Variants in ONECUT2 observed in about 807,000 individuals in gnomAD.
The protein encoded by ONECUT2 is one cut homeobox 2.
A neutral mutation model predicts 27.9 loss-of-function variants in ONECUT2; 10 were observed. That is an observed-to-expected ratio of 0.36 (90% CI 0.22 to 0.61). ONECUT2 has a LOEUF of 0.61. Ranked by LOEUF, ONECUT2 falls within the 20% of genes least tolerant of loss-of-function variation. ONECUT2 has a pLI of 0.73. For synonymous variants in ONECUT2, 334 were observed against 315.1 expected (o/e 1.06, Z -0.64); for missense variants, 686 against 721.0 (o/e 0.95, Z 0.56).
intron 1 of ONECUT2, among the ~76,000 whole-genome samples, chr18:57,467,838 C>T (rs1184757999): frequency 1.3e-5 from 2 of 152,196 alleles, no homozygotes; most frequent in Admixed American, 1.3e-4. Flanking sequence ...ACTTTGCCCC[C>T]ACCCTCCAGC....
intron 1 of ONECUT2, among the ~76,000 whole-genome samples, chr18:57,462,723 C>CTTTTTTTTTTTTTTTTT (rs57032206): frequency 5.8e-4 from 40 of 68,994 alleles, no homozygotes; most frequent in East Asian, 8.6e-4. Flanking sequence ...TATTTTCTTT[C>CTTTTTTTTTTTTTTTTT]TTTTTTTTTT....
chr18:57,446,935 T>A (rs1464873237), intron 1 of ONECUT2, among the ~76,000 whole-genome samples: 2 of 152,214 alleles, frequency 1.3e-5, no homozygotes, highest in Non-Finnish European at 2.9e-5. Flanking sequence ...CAGTGAGGGC[T>A]GTGCCAACTG....
chr18:57,451,603 C>A (rs890908832), intron 1 of ONECUT2, among the ~76,000 whole-genome samples: 1 of 152,246 alleles, frequency 6.6e-6, no homozygotes, highest in Non-Finnish European at 1.5e-5. Flanking sequence ...GCTAGCCCCA[C>A]TCCTCCCTAA....
At position 57,484,980 on chromosome 18, in the gene ONECUT2, C is replaced by G. The variant is rs962264971; in HGVS notation, c.*8257C>G. On this transcript the variant is annotated 3_prime_UTR_variant, in exon 2 of 2. Transcript: ENST00000491143. ...TTTCAGTGTCCCATTAGTACATAGT[C>G]ACATATGGTCGGTTGCTTCGTGAAG... The G allele has an allele frequency of 1.3e-5, 2 of 151,864 alleles. No individual in the cohort carries two copies. The highest frequency in any genetic ancestry group is 4.8e-5 in the African/African-American group (2 of 41,428). 9.4% of individuals were successfully genotyped at this position (151,864 alleles called of 1,614,324 possible).
intron 1 of ONECUT2, among the ~76,000 whole-genome samples, chr18:57,445,577 G>C (rs485401): frequency 0.62 from 94,891 of 151,936 alleles, 33,208 homozygotes; most frequent in Non-Finnish European, 0.79. Flanking sequence ...TTTGTTTTAT[G>C]TGATTGAAAA....
chr18:57,464,554 A>C (rs1278198424), intron 1 of ONECUT2, among the ~76,000 whole-genome samples: 1 of 152,098 alleles, frequency 6.6e-6, no homozygotes, highest in African/African-American at 2.4e-5. Flanking sequence ...TGGACTTCCA[A>C]ATCTGGTGGT....
At chr18:57,448,904 TC>T (rs2050215444) in intron 1 of ONECUT2, among the ~76,000 whole-genome samples, 1 of 152,224 alleles carries the variant, frequency 6.6e-6, no homozygotes, top group African/African-American at 2.4e-5. Flanking sequence ...GTGCCATAGA[TC>T]CCCAAACCTA....
At chr18:57,469,330 C>T (rs1450745803) in intron 1 of ONECUT2, among the ~76,000 whole-genome samples, 1 of 152,060 alleles carries the variant, frequency 6.6e-6, no homozygotes, top group Non-Finnish European at 1.5e-5. Flanking sequence ...CAAATGCACA[C>T]CCTGGATGGT....
intron 1 of ONECUT2, among the ~76,000 whole-genome samples, chr18:57,460,485 A>C (rs549380828): frequency 3.9e-5 from 6 of 152,196 alleles, no homozygotes; most frequent in Admixed American, 1.3e-4. Flanking sequence ...TCAACGTCAT[A>C]CTATTTAAAT....
At chr18:57,451,801 C>T (rs79654383) in intron 1 of ONECUT2, among the ~76,000 whole-genome samples, 3,610 of 152,222 alleles carry the variant, frequency 0.024, 47 homozygotes, top group Non-Finnish European at 0.037. Context: ...AAGTATTCCA[C>T]CCCTGGAAAG....
At chr18:57,455,981 C>T (rs1387382014) in intron 1 of ONECUT2, among the ~76,000 whole-genome samples, 5 of 152,144 alleles carry the variant, frequency 3.3e-5, no homozygotes, top group South Asian at 2.1e-4. Flanking sequence ...TTTGGAAACC[C>T]GGTTCCCTCT....
At chr18:57,466,073 T>A (rs2050319552) in intron 1 of ONECUT2, among the ~76,000 whole-genome samples, 1 of 152,210 alleles carries the variant, frequency 6.6e-6, no homozygotes, top group Admixed American at 6.5e-5. Context: ...TTGGTGTCCC[T>A]CCTCCACCCT....
chr18:57,450,661 C>T (rs946157890), intron 1 of ONECUT2, among the ~76,000 whole-genome samples: 2 of 152,160 alleles, frequency 1.3e-5, no homozygotes, highest in Non-Finnish European at 2.9e-5. Context: ...ATTTTACCCA[C>T]CTCAGGGCAA....
intron 1 of ONECUT2, among the ~76,000 whole-genome samples, chr18:57,440,994 G>A (rs927081114): frequency 3.9e-5 from 6 of 152,168 alleles, no homozygotes; most frequent in African/African-American, 1.4e-4. Context: ...CAAGTCCCGG[G>A]TGCCGGGAGA....
chr18:57,476,580 A>G lies in ONECUT2; in HGVS notation c.1372A>G (p.Thr458Ala). The G allele has an allele frequency of 6.2e-7, 1 of 1,614,236 alleles. No homozygotes were observed. Among genetic ancestry groups the G allele is most frequent in the Non-Finnish European group, 8.5e-7 (1 of 1,180,046 alleles). The change falls in exon 2 of 2, where the codon ACC becomes GCC. Residue 458 changes from threonine (T) to alanine (A), a missense_variant. Physicochemically the swap from Thr to Ala is moderately conservative, Grantham distance 58. Coordinates refer to ENST00000491143, the MANE Select transcript of ONECUT2 (RefSeq NM_004852.3). ...ACGCCCGTCAAAGGAGATGCAGATCACCATTTCCCAGCAGCTGGGCCTGGA... is the reference window on the plus strand; with the variant it reads ...ACGCCCGTCAAAGGAGATGCAGATCGCCATTTCCCAGCAGCTGGGCCTGGA... ...NKRPSKEMQI[T>A]ISQQLGLELT...
Position 57,486,614 on chromosome 18 carries a change from A to G in ONECUT2, c.*9891A>G, listed in dbSNP as rs1568127828. 1 of 152,498 alleles carries G rather than the reference A, an allele frequency of 6.6e-6. No individual in the cohort carries two copies. The highest frequency in any genetic ancestry group is 1.5e-5 in the Non-Finnish European group (1 of 68,028). The allele number at this position is 152,498 out of a possible 1,614,324, so 9.4% of individuals were successfully genotyped here. A position where few individuals can be genotyped will look rare whatever the true frequency, so the allele number is the denominator to read the frequency against. The stretch of plus-strand genomic sequence containing the variant: ...TTTGGTAACTGTGATTTAAAAAAAG[A>G]AAAAAGAAAAAAAAGCTTTATACGT... On this transcript the variant is annotated 3_prime_UTR_variant, in exon 2 of 2. Coordinates refer to ENST00000491143, the MANE Select transcript of ONECUT2 (RefSeq NM_004852.3).
rs1267693055 is a variant in ONECUT2, at chr18:57,435,947, G to A, written c.231G>A (p.Ser77=). 2.4e-6 allele frequency: 3 copies of A among 1,226,990 alleles called. No individual in the cohort carries two copies. Among genetic ancestry groups the A allele is most frequent in the Non-Finnish European group, 3.0e-6 (3 of 987,402 alleles). The allele number at this position is 1,226,990 out of a possible 1,614,324, so 76.0% of individuals were successfully genotyped here. A position where few individuals can be genotyped will look rare whatever the true frequency, so the allele number is the denominator to read the frequency against. The stretch of plus-strand genomic sequence containing the variant: ...ACGCGGGCCGCGGCGCCGCTGGCTC[G>A]CTGCGGGGCCCTCCGCCGCCTCCAA... ...PHHAGRGAAG[S]LRGPPPPPTA... Residue 77 remains serine, a synonymous_variant, in exon 1 of 2, where the codon TCG becomes TCA. Coordinates refer to ENST00000491143, the MANE Select transcript of ONECUT2 (RefSeq NM_004852.3).
In ONECUT2 at chr18:57,476,444, A is replaced by T; in HGVS notation, c.1236A>T (p.Lys412Asn). The T allele has an allele frequency of 1.2e-6, 2 of 1,613,824 alleles. No individual in the cohort carries two copies. Among genetic ancestry groups the T allele is most frequent in the East Asian group, 4.5e-5 (2 of 44,860 alleles). The change falls in exon 2 of 2, where the codon AAA (lysine) becomes AAT (asparagine). Residue 412 changes from lysine to asparagine, a missense_variant. By Grantham distance (94) the Lys-to-Asn change is moderately conservative. Around this residue, in one of 4 missense-constraint regions of ONECUT2, gnomAD observed 51 missense variants for 41.3 expected, o/e 1.23. Coordinates refer to ENST00000491143, the MANE Select transcript of ONECUT2 (RefSeq NM_004852.3). The stretch of plus-strand genomic sequence containing the variant: ...CTTCTCTTTCCCTTCAAGCGTGCAA[A>T]CGCAAAGAGCAAGAACCAAACAAAG... ...RMSALRLAAC[K>N]RKEQEPNKDR...
chr18:57,468,721 C>G (rs922289386), intron 1 of ONECUT2, among the ~76,000 whole-genome samples: 2 of 152,170 alleles, frequency 1.3e-5, no homozygotes, highest in Admixed American at 6.5e-5. Context: ...TGTGCTGGCA[C>G]CTAATTATTT....
Sources: allele counts gnomAD v4.1 joint callset (sites outside exome capture counted in the v4.1 genomes callset), GRCh38; gene constraint gnomAD v4.1.1; regional missense constraint gnomAD v4.1.1; transcripts MANE v1.5; gene names NCBI Gene and HGNC (gene_info 2026-07-23, HGNC 2026-07-21).